The following MAPKAP1 variants were observed in gnomAD, a reference collection of about 807,000 sequenced individuals.
MAPKAP1 encodes the protein MAPK associated protein 1, also known as target of rapamycin complex 2 subunit MAPKAP1.
Under a neutral mutation model 65.7 loss-of-function variants are expected in MAPKAP1, and 20 were observed. That is an observed-to-expected ratio of 0.30 (90% CI 0.21 to 0.44). The LOEUF (loss-of-function observed/expected upper bound fraction) is 0.44, where lower values mean the gene tolerates loss of function less well. Among genes scored for constraint, MAPKAP1 ranks in the 20% least tolerant of loss-of-function variants. The pLI is 1.00. For missense variants in MAPKAP1, 423 were observed against 648.0 expected (o/e 0.65, Z 3.77); for synonymous variants, 222 against 244.3 (o/e 0.91, Z 0.85).
At chr9:125,497,364 G>C (rs1384457358) in intron 8 of MAPKAP1, among the ~76,000 whole-genome samples, 1 of 152,166 alleles carries the variant, frequency 6.6e-6, no homozygotes, top group African/African-American at 2.4e-5. Context: ...AGCAACTGAA[G>C]TCTCTCTCTA....
rs117395363 is a variant in MAPKAP1, at chr9:125,601,129, A to G, written c.499-15402T>C. Among the ~76,000 whole-genome samples, 53 of 151,690 alleles carry G rather than the reference A, an allele frequency of 3.5e-4. 1 individual carries two copies. The East Asian group carries it at 0.01, about 29-fold the overall frequency. On this transcript the variant is annotated intron_variant, in intron 4 of 11. Coordinates refer to ENST00000265960, the MANE Select transcript of MAPKAP1 (RefSeq NM_001006617.3). ...AAAATTAAAACTCAATGGAGAATGTATATTTGACTCCATTACTAGATGATG... is the reference window on the plus strand; with the variant it reads ...AAAATTAAAACTCAATGGAGAATGTGTATTTGACTCCATTACTAGATGATG...
chr9:125,510,579 T>C (rs1829267298), intron 7 of MAPKAP1, among the ~76,000 whole-genome samples: 1 of 152,184 alleles, frequency 6.6e-6, no homozygotes, highest in African/African-American at 2.4e-5. Flanking sequence ...GTTTAGTCAG[T>C]AACTGAAAAT....
At chr9:125,693,726 TAC>T (rs1554844660) in intron 1 of MAPKAP1, among the ~76,000 whole-genome samples, 1 of 122,848 alleles carries the variant, frequency 8.1e-6, no homozygotes, top group Non-Finnish European at 1.5e-5. Context: ...TACACGTATA[TAC>T]ACATATATAC....
At chr9:125,540,158 C>T (rs1830200076) in intron 7 of MAPKAP1, among the ~76,000 whole-genome samples, 1 of 152,144 alleles carries the variant, frequency 6.6e-6, no homozygotes, top group South Asian at 2.1e-4. Context: ...AGCTATTTAC[C>T]TAAACAAAGA....
At chr9:125,520,829 C>T (rs1829595544) in intron 7 of MAPKAP1, among the ~76,000 whole-genome samples, 1 of 152,178 alleles carries the variant, frequency 6.6e-6, no homozygotes, top group African/African-American at 2.4e-5. Context: ...CCATTAGTGT[C>T]CCAACTCTGA....
intron 4 of MAPKAP1, among the ~76,000 whole-genome samples, chr9:125,607,613 C>T (rs1314041275): frequency 6.6e-6 from 1 of 152,078 alleles, no homozygotes; most frequent in Non-Finnish European, 1.5e-5. Context: ...TTAAAATTGC[C>T]TTCCCCACTG....
intron 3 of MAPKAP1, among the ~76,000 whole-genome samples, chr9:125,662,033 A>G (rs1408166851): frequency 2.0e-5 from 3 of 152,172 alleles, no homozygotes; most frequent in Non-Finnish European, 4.4e-5. Context: ...AAAAAGAAAA[A>G]TTTGAGATGA....
At chr9:125,579,773 T>C in intron 5 of MAPKAP1, among the ~76,000 whole-genome samples, 1 of 151,894 alleles carries the variant, frequency 6.6e-6, no homozygotes, top group East Asian at 1.9e-4. Context: ...AGAAAGAAAA[T>C]ACCTCACATT....
chr9:125,667,438 G>A (rs889153948), intron 3 of MAPKAP1, among the ~76,000 whole-genome samples: 7 of 152,198 alleles, frequency 4.6e-5, no homozygotes, highest in East Asian at 3.9e-4. Context: ...TCATGCCTCC[G>A]CCTCCTGAGT....
At chr9:125,571,384 C>A (rs2131539638) in intron 5 of MAPKAP1, among the ~76,000 whole-genome samples, 1 of 152,300 alleles carries the variant, frequency 6.6e-6, no homozygotes, top group Admixed American at 6.5e-5. Context: ...AGAACTCTAG[C>A]AGGTGTTCTT....
chr9:125,612,505 G>A (rs1266130884), intron 4 of MAPKAP1, among the ~76,000 whole-genome samples: 1 of 152,134 alleles, frequency 6.6e-6, no homozygotes, highest in Non-Finnish European at 1.5e-5. Context: ...ATCAGTTGTT[G>A]TAGAACCACA....
At position 125,576,479 on chromosome 9, in the gene MAPKAP1, GCTCTCC is replaced by G. The variant is rs550455340; in HGVS notation, c.671+9070_671+9075del. On this transcript the variant is annotated intron_variant, in intron 5 of 11. Coordinates refer to ENST00000265960, the MANE Select transcript of MAPKAP1 (RefSeq NM_001006617.3). ...AATTTTTTTAAAAAAACGAAGCATA[GCTCTCC>G]CTCTCCCTCTCCCTCTCCCCACGGT... Among the ~76,000 whole-genome samples the G allele has an allele frequency of 7.9e-3, 1,193 of 151,442 alleles. 10 individuals are homozygous for G. Among genetic ancestry groups the G allele is most frequent in the African/African-American group, 0.019 (784 of 41,220 alleles).
chr9:125,638,683 C>T (rs534487526), intron 4 of MAPKAP1, among the ~76,000 whole-genome samples: 14 of 152,306 alleles, frequency 9.2e-5, no homozygotes, highest in Non-Finnish European at 1.6e-4. Context: ...CTCAATCATT[C>T]GGGCCTGAGG....
At chr9:125,455,348 A>G (rs1419707483) in intron 10 of MAPKAP1, among the ~76,000 whole-genome samples, 1 of 152,222 alleles carries the variant, frequency 6.6e-6, no homozygotes, top group Non-Finnish European at 1.5e-5. Context: ...AAGGACTTGG[A>G]ACACTATCTG....
intron 10 of MAPKAP1, among the ~76,000 whole-genome samples, chr9:125,449,738 C>G (rs2132940507): frequency 6.6e-6 from 1 of 152,228 alleles, no homozygotes; most frequent in East Asian, 1.9e-4. Context: ...AAACAGGAGG[C>G]TGTGCTGAAA....
At chr9:125,620,495 T>C (rs1589349726) in intron 4 of MAPKAP1, among the ~76,000 whole-genome samples, 2 of 152,212 alleles carry the variant, frequency 1.3e-5, no homozygotes, top group South Asian at 2.1e-4. Context: ...GACCCAGCAA[T>C]TCTGCTTGAA....
At chr9:125,522,981 C>T (rs1420306467) in intron 7 of MAPKAP1, among the ~76,000 whole-genome samples, 2 of 152,178 alleles carry the variant, frequency 1.3e-5, no homozygotes, top group African/African-American at 2.4e-5. Flanking sequence ...CTTATCTTCT[C>T]TCCTTCTGAC....
intron 3 of MAPKAP1, among the ~76,000 whole-genome samples, chr9:125,661,575 A>G (rs1234704508): frequency 1.3e-5 from 2 of 152,236 alleles, no homozygotes; most frequent in African/African-American, 4.8e-5. Context: ...CAGTATGTAT[A>G]GTATGCTATC....
At chr9:125,606,406 G>A (rs1832440745) in intron 4 of MAPKAP1, among the ~76,000 whole-genome samples, 1 of 152,190 alleles carries the variant, frequency 6.6e-6, no homozygotes, top group Non-Finnish European at 1.5e-5. Flanking sequence ...ATGGGGTATA[G>A]TAGAAAAGAC....
Sources: gnomAD v4.1 joint callset for allele counts (sites outside exome capture counted in the v4.1 genomes callset) on GRCh38, gnomAD v4.1.1 for gene constraint, MANE v1.5 for transcripts, NCBI Gene and HGNC (gene_info 2026-07-23, HGNC 2026-07-21) for gene names.